Variants in SYNPR observed in about 807,000 individuals in gnomAD.
The protein encoded by SYNPR is synaptoporin.
Under a neutral mutation model 32.9 loss-of-function variants are expected in SYNPR, and 23 were observed. That is an observed-to-expected ratio of 0.70 (90% confidence interval 0.50 to 0.99). The LOEUF (loss-of-function observed/expected upper bound fraction) is 0.99, where lower values mean the gene tolerates loss of function less well. Among genes scored for constraint, SYNPR ranks in the 50% least tolerant of loss-of-function variants. The pLI, the probability that SYNPR is intolerant of heterozygous loss-of-function variation, is 0.00. For synonymous variants in SYNPR, 146 were observed against 135.9 expected, an observed-to-expected ratio of 1.07 and a Z score of -0.52; for missense variants, 318 against 349.3, an observed-to-expected ratio of 0.91 and a Z score of 0.71.
At chr3:63,559,946 G>A (rs1702658172) in intron 4 of SYNPR, among the ~76,000 whole-genome samples, 1 of 152,090 alleles carries the variant, frequency 6.6e-6, no homozygotes, top group Admixed American at 6.5e-5. Context: ...AGTTGATACA[G>A]CTAATCCACA....
intron 4 of SYNPR, among the ~76,000 whole-genome samples, chr3:63,579,314 C>T (rs548676278): frequency 2.0e-5 from 3 of 152,240 alleles, no homozygotes; most frequent in Admixed American, 2.0e-4. Context: ...GGCTCTTCCC[C>T]AGATATTCAC....
At chr3:63,378,305 A>T (rs1200128220) in intron 2 of SYNPR, among the ~76,000 whole-genome samples, 1 of 152,042 alleles carries the variant, frequency 6.6e-6, no homozygotes, top group African/African-American at 2.4e-5. Context: ...TAGAGACAGT[A>T]GAATTATAAA....
At chr3:63,600,069 G>A (rs1259464993) in intron 4 of SYNPR, among the ~76,000 whole-genome samples, 7 of 152,132 alleles carry the variant, frequency 4.6e-5, no homozygotes, top group Admixed American at 1.3e-4. Flanking sequence ...CTTGTGATAC[G>A]CTGTGGTAGA....
chr3:63,496,543 C>T (rs1701377185), intron 3 of SYNPR, among the ~76,000 whole-genome samples: 1 of 152,072 alleles, frequency 6.6e-6, no homozygotes, highest in Non-Finnish European at 1.5e-5. Flanking sequence ...GGTGTACACA[C>T]CTTAAATTTT....
intron 2 of SYNPR, among the ~76,000 whole-genome samples, chr3:63,403,513 T>C (rs1282115443): frequency 6.6e-6 from 1 of 150,758 alleles, no homozygotes; most frequent in Non-Finnish European, 1.5e-5. Flanking sequence ...ATCCTCACAA[T>C]AACCCCACAA....
At position 63,422,856 on chromosome 3, in the gene SYNPR, T is replaced by C. The variant is rs965110435; in HGVS notation, c.85-57976T>C. On this transcript the variant is annotated intron_variant, in intron 2 of 5. Transcript: ENST00000478300. ...CCAAGAATAAATACAAGGATACTCA[T>C]TGTATATTGTTGCAATAACAAAAAT... Among the ~76,000 whole-genome samples, 10 of 152,122 alleles carry C rather than the reference T, an allele frequency of 6.6e-5. No homozygotes were observed. In the East Asian group the frequency reaches 1.7e-3, roughly 26 times the overall value.
intron 2 of SYNPR, among the ~76,000 whole-genome samples, chr3:63,425,135 G>A (rs568708575): frequency 6.6e-6 from 1 of 152,246 alleles, no homozygotes; most frequent in South Asian, 2.1e-4. Flanking sequence ...CAGTGCATGA[G>A]ATGGAAAAAT....
chr3:63,335,981 G>T, intron 2 of SYNPR, among the ~76,000 whole-genome samples: 1 of 151,920 alleles, frequency 6.6e-6, no homozygotes, highest in Admixed American at 6.6e-5. Context: ...ACTCCATGTT[G>T]GTCAGGCTGG....
intron 3 of SYNPR, among the ~76,000 whole-genome samples, chr3:63,509,103 CATAT>C (rs745994932): frequency 2.0e-5 from 3 of 146,894 alleles, no homozygotes; most frequent in South Asian, 2.2e-4. Flanking sequence ...TACCTTTCAG[CATAT>C]ATATATATAT....
chr3:63,534,542 T>C (rs1702168108), intron 3 of SYNPR, among the ~76,000 whole-genome samples: 1 of 152,220 alleles, frequency 6.6e-6, no homozygotes, highest in Non-Finnish European at 1.5e-5. Context: ...TCTGCTAAGA[T>C]CTTTACCTAC....
chr3:63,312,043 G>C (rs1185528890), intron 2 of SYNPR, among the ~76,000 whole-genome samples: 1 of 151,970 alleles, frequency 6.6e-6, no homozygotes, highest in Non-Finnish European at 1.5e-5. Flanking sequence ...AATCTGTGAT[G>C]ATCTAAATTC....
At chr3:63,277,403 G>C (rs1259535349), upstream of SYNPR, among the ~76,000 whole-genome samples, 1 of 152,152 alleles carries the variant, frequency 6.6e-6, no homozygotes, top group Non-Finnish European at 1.5e-5. Flanking sequence ...TAAACAACGT[G>C]AACCACCTTT....
intron 3 of SYNPR, among the ~76,000 whole-genome samples, chr3:63,503,206 G>C: frequency 6.6e-6 from 1 of 152,038 alleles, no homozygotes; most frequent in Non-Finnish European, 1.5e-5. Context: ...GACACGTGAT[G>C]TGGAACATCT....
At chr3:63,601,341 T>C (rs1008879647) in intron 4 of SYNPR, among the ~76,000 whole-genome samples, 1 of 152,152 alleles carries the variant, frequency 6.6e-6, no homozygotes, top group African/African-American at 2.4e-5. Context: ...GTAAAAATTC[T>C]CAATTCTTTT....
intron 1 of SYNPR, among the ~76,000 whole-genome samples, chr3:63,247,200 T>C (rs1191164908): frequency 2.6e-5 from 4 of 152,120 alleles, no homozygotes; most frequent in African/African-American, 9.7e-5. Context: ...AAATAGATCA[T>C]TAATGTTAAA....
intron 2 of SYNPR, among the ~76,000 whole-genome samples, chr3:63,408,319 G>GAAAGAAAGAAAGAAAGACAGAAAAGAAAA (rs1553876977): frequency 5.9e-5 from 1 of 16,814 alleles, no homozygotes; most frequent in African/African-American, 3.8e-4. Context: ...AAGGAAGGAA[G>GAAAGAAAGAAAGAAAGACAGAAAAGAAAA]GAAAGAAAGA....
At chr3:63,580,778 C>A (rs1227312629) in intron 4 of SYNPR, among the ~76,000 whole-genome samples, 1 of 152,116 alleles carries the variant, frequency 6.6e-6, no homozygotes, top group Non-Finnish European at 1.5e-5. Context: ...ACAGTTCTGG[C>A]AAATTAGTCT....
chr3:63,494,478 C>CAT (rs201041485), intron 3 of SYNPR, among the ~76,000 whole-genome samples: 3 of 109,268 alleles, frequency 2.7e-5, no homozygotes, highest in Non-Finnish European at 5.7e-5. Context: ...CACATATATA[C>CAT]ATATATATAC....
intron 5 of SYNPR, among the ~76,000 whole-genome samples, chr3:63,609,629 G>A (rs150999631): frequency 1.2e-4 from 19 of 152,252 alleles, no homozygotes; most frequent in African/African-American, 4.1e-4. Context: ...AACTTTGGCC[G>A]GACGCAATGG....
Sources: gnomAD v4.1 joint callset for allele counts (sites outside exome capture counted in the v4.1 genomes callset) on GRCh38, gnomAD v4.1.1 for gene constraint, MANE v1.5 for transcripts, NCBI Gene and HGNC (gene_info 2026-07-23, HGNC 2026-07-21) for gene names.